Variants in CSMD1 observed in about 807,000 individuals in gnomAD.
CSMD1 encodes the protein CUB and Sushi multiple domains 1.
Under a neutral mutation model 417.5 loss-of-function variants are expected in CSMD1, and 213 were observed. The ratio of observed to expected loss-of-function variants is 0.51; its 90% CI spans 0.46 to 0.57. The LOEUF (loss-of-function observed/expected upper bound fraction) is 0.57, where lower values mean the gene tolerates loss of function less well. Among genes scored for constraint, CSMD1 ranks in the 20% least tolerant of loss-of-function variants. CSMD1 has a pLI of 0.00. For missense variants in CSMD1, 6,923 were observed against 4,529.7 expected, an observed-to-expected ratio of 1.53 and a Z score of -15.17; for synonymous variants, 2,862 against 1,736.8, an observed-to-expected ratio of 1.65 and a Z score of -16.11.
At chr8:3,071,579 C>A (rs1471703756) in intron 49 of CSMD1, among the ~76,000 whole-genome samples, 1 of 152,056 alleles carries the variant, frequency 6.6e-6, no homozygotes, top group Non-Finnish European at 1.5e-5. Flanking sequence ...AAGCCATATG[C>A]CCCAAAGTAA....
chr8:4,053,188 G>A (rs556106375), intron 3 of CSMD1, among the ~76,000 whole-genome samples: 1 of 152,180 alleles, frequency 6.6e-6, no homozygotes, highest in African/African-American at 2.4e-5. Context: ...TTTGAAGCCT[G>A]AAAATATAAC....
chr8:3,107,636 G>T, intron 45 of CSMD1, 82 bp downstream of exon 45: 1 of 783,946 alleles, frequency 1.3e-6, no homozygotes, highest in South Asian at 1.6e-5. Context: ...TCATTAACTT[G>T]TCTGAGTAAT....
chr8:4,889,248 A>G (rs1017229342), intron 1 of CSMD1, among the ~76,000 whole-genome samples: 1 of 152,128 alleles, frequency 6.6e-6, no homozygotes, highest in Non-Finnish European at 1.5e-5. Flanking sequence ...ACACAAAATT[A>G]GTTCTATTAT....
At chr8:3,167,236 G>C (rs1023793525) in intron 37 of CSMD1, among the ~76,000 whole-genome samples, 3 of 144,334 alleles carry the variant, frequency 2.1e-5, no homozygotes, top group Admixed American at 7.2e-5. Flanking sequence ...AGTGAGCCGA[G>C]ATCGCACACT....
intron 26 of CSMD1, among the ~76,000 whole-genome samples, chr8:3,257,606 GA>G (rs1800752473): frequency 6.6e-6 from 1 of 152,190 alleles, no homozygotes; most frequent in African/African-American, 2.4e-5. Context: ...CTGAGATGAT[GA>G]CACATATTTT....
intron 3 of CSMD1, among the ~76,000 whole-genome samples, chr8:4,356,476 T>C (rs1801440008): frequency 6.6e-6 from 1 of 152,172 alleles, no homozygotes; most frequent in African/African-American, 2.4e-5. Flanking sequence ...TCTTTTCCTC[T>C]GAGTAGATAC....
At chr8:4,145,792 G>C (rs1804076767) in intron 3 of CSMD1, among the ~76,000 whole-genome samples, 1 of 151,072 alleles carries the variant, frequency 6.6e-6, no homozygotes, top group Non-Finnish European at 1.5e-5. Flanking sequence ...ACCATGAAGA[G>C]TTTTTCTGTA....
At chr8:4,367,091 T>G (rs545634071) in intron 3 of CSMD1, among the ~76,000 whole-genome samples, 1 of 152,326 alleles carries the variant, frequency 6.6e-6, no homozygotes, top group South Asian at 2.1e-4. Context: ...GCAATTGCTT[T>G]TAGAGACTTA....
At chr8:3,250,756 T>C (rs1351704039) in intron 26 of CSMD1, among the ~76,000 whole-genome samples, 2 of 152,230 alleles carry the variant, frequency 1.3e-5, no homozygotes, top group Non-Finnish European at 2.9e-5. Context: ...ATTGCCATTC[T>C]AACTGGTGTG....
chr8:4,738,870 A>G (rs1199802620), intron 1 of CSMD1, among the ~76,000 whole-genome samples: 4 of 144,246 alleles, frequency 2.8e-5, no homozygotes, highest in Admixed American at 7.1e-5. Flanking sequence ...GGAACTACAT[A>G]TAGTCATCTA....
chr8:3,883,400 G>A (rs1806336677), intron 5 of CSMD1, among the ~76,000 whole-genome samples: 1 of 152,080 alleles, frequency 6.6e-6, no homozygotes, highest in Non-Finnish European at 1.5e-5. Context: ...TAAACTGGGT[G>A]TATGTGTGTG....
At chr8:3,510,384 G>T (rs905088916) in intron 10 of CSMD1, among the ~76,000 whole-genome samples, 11 of 151,850 alleles carry the variant, frequency 7.2e-5, no homozygotes, top group South Asian at 4.1e-4. Context: ...GGTACTTGAA[G>T]TCCAAATGTC....
At chr8:4,633,191 T>C (rs1456822290) in intron 2 of CSMD1, among the ~76,000 whole-genome samples, 4 of 79,050 alleles carry the variant, frequency 5.1e-5, no homozygotes, top group African/African-American at 1.4e-4. Flanking sequence ...GAACATTTAC[T>C]ATTAGGATCA....
rs115104871 is a variant in CSMD1, at chr8:4,628,064, C to G, written c.302+9278G>C. 3.3e-3 allele frequency among the ~76,000 whole-genome samples: 494 copies of G among 151,688 alleles called. 5 individuals are homozygous for G. Among genetic ancestry groups the G allele is most frequent in the African/African-American group, 0.011 (447 of 41,344 alleles). ...AAAAATCACCCCCAGTGGAGAAAGG[C>G]TGATAGAAGCATATACATACACATA... On this transcript the variant is annotated intron_variant, in intron 2 of 69. Coordinates refer to ENST00000635120, the MANE Select transcript of CSMD1 (RefSeq NM_033225.6).
At chr8:4,042,619 A>T (rs1323655718) in intron 3 of CSMD1, among the ~76,000 whole-genome samples, 1 of 151,878 alleles carries the variant, frequency 6.6e-6, no homozygotes, top group Non-Finnish European at 1.5e-5. Flanking sequence ...CCGTATGGGG[A>T]ATTATAAAAT....
At chr8:3,414,873 C>A (rs925833273) in intron 12 of CSMD1, among the ~76,000 whole-genome samples, 1 of 152,082 alleles carries the variant, frequency 6.6e-6, no homozygotes, top group East Asian at 1.9e-4. Flanking sequence ...ATTCAGTCTG[C>A]GCTTGCTCGG....
chr8:3,973,583 A>T (rs564462641), intron 5 of CSMD1, among the ~76,000 whole-genome samples: 56 of 152,328 alleles, frequency 3.7e-4, no homozygotes, highest in Admixed American at 9.2e-4. Context: ...TTTAAAAAAG[A>T]AGGAAAAAAG....
chr8:3,975,812 T>A (rs1813397566), intron 5 of CSMD1, among the ~76,000 whole-genome samples: 1 of 152,246 alleles, frequency 6.6e-6, no homozygotes, highest in Non-Finnish European at 1.5e-5. Context: ...AGGTTTATTT[T>A]TATTCAAATA....
intron 1 of CSMD1, among the ~76,000 whole-genome samples, chr8:4,977,417 G>T (rs1810624170): frequency 6.6e-6 from 1 of 152,148 alleles, no homozygotes; most frequent in Non-Finnish European, 1.5e-5. Context: ...GGAGGAGACT[G>T]TTGTGTGTGA....
Sources: gnomAD v4.1 joint callset for allele counts (sites outside exome capture counted in the v4.1 genomes callset) on GRCh38, gnomAD v4.1.1 for gene constraint, MANE v1.5 for transcripts, NCBI Gene and HGNC (gene_info 2026-07-23, HGNC 2026-07-21) for gene names.